The following RFT1 variants were observed in gnomAD, a reference collection of about 807,000 sequenced individuals.
RFT1 encodes man(5)GlcNAc(2)-PP-dolichol translocation protein RFT1.
Under a neutral mutation model 62.2 loss-of-function variants are expected in RFT1, and 43 were observed. The observed-to-expected ratio is 0.69, with a 90% CI of 0.54 to 0.89. RFT1 has a LOEUF of 0.89. Among genes scored for constraint, RFT1 ranks in the 40% least tolerant of loss-of-function variants. The probability of loss-of-function intolerance (pLI) is 0.00; values close to 1 mark genes in which losing one functional copy is unlikely to be tolerated. For synonymous variants in RFT1, 262 were observed against 264.6 expected (o/e 0.99, Z 0.10); for missense variants, 605 against 649.9 (o/e 0.93, Z 0.75).
the RFT1 span, among the ~76,000 whole-genome samples, chr3:53,079,309 C>T: frequency 6.6e-6 from 1 of 152,330 alleles, no homozygotes; most frequent in South Asian, 2.1e-4. Flanking sequence ...CCCAAATGTC[C>T]ATGGCCTCAC....
chr3:53,121,668 C>G, intron 5 of RFT1, 31 bp downstream of exon 5: 1 of 1,521,594 alleles, frequency 6.6e-7, no homozygotes, highest in South Asian at 1.1e-5. Flanking sequence ...AAACAAAGAT[C>G]ATATAAAAAG....
At chr3:53,097,502 C>T (rs1483471558) in intron 11 of RFT1, among the ~76,000 whole-genome samples, 1 of 152,212 alleles carries the variant, frequency 6.6e-6, no homozygotes, top group Non-Finnish European at 1.5e-5. Flanking sequence ...TGTTTATATA[C>T]TATCGAAATT....
chr3:53,125,897 A>G lies in RFT1; in HGVS notation c.149+12T>C, dbSNP rs769921944. On this transcript the variant is annotated intron_variant, in intron 2 of 12. Transcript: ENST00000296292. ...GTGAACTCTGACAGTGCCAGGGTGC[A>G]TCTCCTCCTACCTTACATTTACTAC... 2 of 1,607,464 alleles carry G rather than the reference A, an allele frequency of 1.2e-6. No individual in the cohort carries two copies. Among genetic ancestry groups the G allele is most frequent in the Non-Finnish European group, 1.7e-6 (2 of 1,174,306 alleles).
At chr3:53,107,025 A>C (rs1701498361) in intron 7 of RFT1, among the ~76,000 whole-genome samples, 156 bp from the exon 8 acceptor site, 1 of 152,236 alleles carries the variant, frequency 6.6e-6, no homozygotes, top group Non-Finnish European at 1.5e-5. Context: ...GTTGATTTCA[A>C]ATAATCTCAG....
chr3:53,107,246 C>T (rs1701509440), intron 7 of RFT1, among the ~76,000 whole-genome samples: 2 of 151,910 alleles, frequency 1.3e-5, no homozygotes, highest in South Asian at 4.1e-4. Context: ...TGCCATTCTC[C>T]TGCCTCAGTC....
chr3:53,116,494 A>T (rs1257273716), intron 6 of RFT1, among the ~76,000 whole-genome samples: 1 of 150,606 alleles, frequency 6.6e-6, no homozygotes, highest in African/African-American at 2.4e-5. Flanking sequence ...GGTTCTTACC[A>T]TGTTTCCCAG....
At chr3:53,092,330 C>A in intron 12 of RFT1, 39 bp downstream of exon 12, 1 of 1,580,128 alleles carries the variant, frequency 6.3e-7, no homozygotes, top group Non-Finnish European at 8.6e-7. Context: ...AGCGGGGCAG[C>A]TGCAGAAGCA....
intron 5 of RFT1, among the ~76,000 whole-genome samples, chr3:53,120,336 T>C (rs1701935256): frequency 6.6e-6 from 1 of 152,184 alleles, no homozygotes; most frequent in African/African-American, 2.4e-5. Flanking sequence ...AAGGTGTGTA[T>C]TTGGCCAAAG....
chr3:53,092,969 C>T (rs1701040305), intron 11 of RFT1, among the ~76,000 whole-genome samples: 1 of 152,186 alleles, frequency 6.6e-6, no homozygotes, highest in Admixed American at 6.5e-5. Flanking sequence ...CTGTGACAGG[C>T]CCTGTGAGGA....
chr3:53,078,489 C>T, the RFT1 span, among the ~76,000 whole-genome samples: 1 of 152,116 alleles, frequency 6.6e-6, no homozygotes, highest in African/African-American at 2.4e-5. Context: ...TGGCTCACGC[C>T]TGTAATCCCA....
intron 6 of RFT1, among the ~76,000 whole-genome samples, chr3:53,113,745 T>G (rs1701716036): frequency 1.3e-5 from 2 of 152,238 alleles, no homozygotes; most frequent in African/African-American, 4.8e-5. Context: ...TATTTTGCAT[T>G]TATGACTCAT....
At position 53,090,093 on chromosome 3, in the gene RFT1, G is replaced by A. The variant is rs1320799791; in HGVS notation, c.*1810C>T. 6.5e-6 allele frequency: 1 copy of A among 152,748 alleles called. No homozygotes were observed. The highest frequency in any genetic ancestry group is 1.5e-5 in the Non-Finnish European group (1 of 68,092). 9.5% of individuals were successfully genotyped at this position (152,748 alleles called of 1,614,324 possible). ...CAATCTCAGAGCCCTCCTCCTGGGA[G>A]ACACAGACCCTGAAGGCCTGGAGTG... On this transcript the variant is annotated 3_prime_UTR_variant, in exon 13 of 13. Transcript: ENST00000296292.
chr3:53,074,034 C>T, the RFT1 span, among the ~76,000 whole-genome samples: 1 of 152,242 alleles, frequency 6.6e-6, no homozygotes, highest in Non-Finnish European at 1.5e-5. Flanking sequence ...GCAGGCCCTG[C>T]GAGGGCCCAG....
At chr3:53,086,453 T>C (rs1345472463), downstream of RFT1, among the ~76,000 whole-genome samples, 5 of 152,096 alleles carry the variant, frequency 3.3e-5, no homozygotes, top group Non-Finnish European at 7.4e-5. Context: ...GTAGCTGGAA[T>C]TACAGGCATC....
intron 6 of RFT1, among the ~76,000 whole-genome samples, chr3:53,113,980 A>C (rs1010256843): frequency 2.6e-5 from 4 of 152,242 alleles, no homozygotes; most frequent in African/African-American, 9.6e-5. Flanking sequence ...CCTAGAGCAG[A>C]TGCCAGGTTA....
chr3:53,079,223 G>A, the RFT1 span, among the ~76,000 whole-genome samples: 1 of 152,196 alleles, frequency 6.6e-6, no homozygotes, highest in Non-Finnish European at 1.5e-5. Context: ...GGTACACTCA[G>A]GTCACGGCTC....
At chr3:53,093,661 G>T (rs2581787) in intron 11 of RFT1, among the ~76,000 whole-genome samples, 70,159 of 151,782 alleles carry the variant, frequency 0.46, 18,954 homozygotes, top group East Asian at 0.72. Flanking sequence ...TGGGAGGATT[G>T]CTTGAGGCCA....
At chr3:53,119,654 A>G (rs879386038) in intron 6 of RFT1, among the ~76,000 whole-genome samples, 5 of 152,006 alleles carry the variant, frequency 3.3e-5, no homozygotes, top group Non-Finnish European at 7.4e-5. Flanking sequence ...AGATGCTGCT[A>G]AACATCCTAC....
chr3:53,085,412 ACCCAGGGC>A (rs148537298), downstream of RFT1, among the ~76,000 whole-genome samples: 3,722 of 152,294 alleles, frequency 0.024, 65 homozygotes, highest in Non-Finnish European at 0.037. Flanking sequence ...CAGGTGGAGC[ACCCAGGGC>A]CCTTTAACTC....
Sources: gnomAD v4.1 joint callset for allele counts (sites outside exome capture counted in the v4.1 genomes callset) on GRCh38, gnomAD v4.1.1 for gene constraint, MANE v1.5 for transcripts, NCBI Gene and HGNC (gene_info 2026-07-23, HGNC 2026-07-21) for gene names.